The following CCDC102B variants were observed in gnomAD, a reference collection of about 807,000 sequenced individuals.
CCDC102B encodes the protein coiled-coil domain-containing protein 102B.
A neutral mutation model predicts 57.4 loss-of-function variants in CCDC102B; 75 were observed. That is an observed-to-expected ratio of 1.31 (90% confidence interval 1.08 to 1.58). The LOEUF (loss-of-function observed/expected upper bound fraction) is 1.58. CCDC102B is among the 40% of genes most tolerant of loss of function. CCDC102B has a pLI of 0.00. For missense variants in CCDC102B, 636 were observed against 582.6 expected (o/e 1.09, Z -0.94); for synonymous variants, 206 against 201.9 (o/e 1.02, Z -0.17).
intron 7 of CCDC102B, among the ~76,000 whole-genome samples, chr18:69,021,951 T>G (rs1252203586): frequency 6.6e-6 from 1 of 152,194 alleles, no homozygotes; most frequent in Non-Finnish European, 1.5e-5. Flanking sequence ...GTTCTTTACT[T>G]TACCAACCAT....
intron 2 of CCDC102B, among the ~76,000 whole-genome samples, chr18:68,771,901 C>CAT (rs1252854695): frequency 6.6e-6 from 1 of 151,600 alleles, no homozygotes; most frequent in African/African-American, 2.4e-5. Context: ...CACACACACA[C>CAT]ACACACATCT....
chr18:68,828,322 C>CAAAA (rs58180806), intron 1 of CCDC102B, among the ~76,000 whole-genome samples: 1,076 of 80,774 alleles, frequency 0.013, 73 homozygotes, highest in East Asian at 0.027. Flanking sequence ...ACCCTATTTA[C>CAAAA]AAAAAAAAAA....
chr18:68,816,128 C>T (rs1471136309), intron 1 of CCDC102B, among the ~76,000 whole-genome samples: 5 of 152,034 alleles, frequency 3.3e-5, no homozygotes, highest in African/African-American at 1.2e-4. Flanking sequence ...GTGATAATAC[C>T]CTCTACCTTC....
chr18:68,960,414 CT>C (rs1204379607), intron 6 of CCDC102B, among the ~76,000 whole-genome samples: 5 of 152,150 alleles, frequency 3.3e-5, no homozygotes, highest in African/African-American at 1.2e-4. Context: ...TTCCTCTCCC[CT>C]TTTCAGTCTT....
At chr18:69,050,742 T>C (rs2052683777) in intron 7 of CCDC102B, among the ~76,000 whole-genome samples, 1 of 152,150 alleles carries the variant, frequency 6.6e-6, no homozygotes. Context: ...TGAACCCTAA[T>C]TGATTTCAAA....
At chr18:68,855,156 A>T (rs944671515) in intron 4 of CCDC102B, among the ~76,000 whole-genome samples, 1 of 152,194 alleles carries the variant, frequency 6.6e-6, no homozygotes. Flanking sequence ...GCAGCATCAC[A>T]TGTTCAAGCC....
intron 2 of CCDC102B, among the ~76,000 whole-genome samples, chr18:68,741,284 CA>C (rs1271322250): frequency 6.6e-6 from 1 of 152,190 alleles, no homozygotes; most frequent in African/African-American, 2.4e-5. Flanking sequence ...AGGGCAAATA[CA>C]GGCAGGACAG....
chr18:68,840,197 T>C (rs1034710730), intron 3 of CCDC102B, among the ~76,000 whole-genome samples: 1 of 152,134 alleles, frequency 6.6e-6, no homozygotes, highest in Non-Finnish European at 1.5e-5. Flanking sequence ...GTTATAAAAA[T>C]CTTAATAGGC....
chr18:68,910,923 G>GAA (rs34251212), intron 6 of CCDC102B, among the ~76,000 whole-genome samples: 2,307 of 147,278 alleles, frequency 0.016, 27 homozygotes, highest in South Asian at 0.034. Flanking sequence ...TAAAAAGGGG[G>GAA]AAAAAAAAAA....
chr18:68,928,632 C>G (rs950554596), intron 6 of CCDC102B, among the ~76,000 whole-genome samples: 5 of 151,786 alleles, frequency 3.3e-5, no homozygotes, highest in Non-Finnish European at 7.4e-5. Flanking sequence ...AGAACCCATA[C>G]TGGAGTGGAA....
chr18:68,973,634 A>T (rs180855582), intron 6 of CCDC102B, among the ~76,000 whole-genome samples: 3 of 152,148 alleles, frequency 2.0e-5, no homozygotes, highest in Non-Finnish European at 4.4e-5. Context: ...GTTGTCAAAA[A>T]TGTACAATAT....
At chr18:69,048,402 G>T (rs1011150627) in intron 7 of CCDC102B, among the ~76,000 whole-genome samples, 8 of 152,018 alleles carry the variant, frequency 5.3e-5, no homozygotes, top group Non-Finnish European at 1.2e-4. Flanking sequence ...AGGCATGAAT[G>T]TTGAACATTC....
At chr18:68,886,465 A>G (rs2039888755) in intron 5 of CCDC102B, among the ~76,000 whole-genome samples, 1 of 152,120 alleles carries the variant, frequency 6.6e-6, no homozygotes, top group Non-Finnish European at 1.5e-5. Context: ...TCTTGAACCC[A>G]TTGTTGAACT....
chr18:68,914,851 T>A (rs1639694875), intron 6 of CCDC102B, among the ~76,000 whole-genome samples: 1 of 152,236 alleles, frequency 6.6e-6, no homozygotes, highest in Admixed American at 6.5e-5. Flanking sequence ...CTCATTTATA[T>A]CCATTAGCCA....
intron 2 of CCDC102B, among the ~76,000 whole-genome samples, chr18:68,761,068 C>G (rs148908101): frequency 4.6e-4 from 70 of 152,154 alleles, no homozygotes; most frequent in Middle Eastern, 3.4e-3. Context: ...GGAGGGAGTA[C>G]ACCCTTCTAT....
At chr18:68,925,598 A>G (rs771359648) in intron 6 of CCDC102B, among the ~76,000 whole-genome samples, 8 of 151,954 alleles carry the variant, frequency 5.3e-5, no homozygotes, top group Non-Finnish European at 1.2e-4. Context: ...CTTTATTCTT[A>G]TTTTAGGAGT....
intron 4 of CCDC102B, among the ~76,000 whole-genome samples, chr18:68,872,678 C>G (rs2039286099): frequency 6.6e-6 from 1 of 151,770 alleles, no homozygotes; most frequent in East Asian, 1.9e-4. Context: ...GTCCTTTCTC[C>G]TTCTCCATGT....
At chr18:69,022,213 AT>A (rs879301190) in intron 7 of CCDC102B, among the ~76,000 whole-genome samples, 3,999 of 49,072 alleles carry the variant, frequency 0.081, 122 homozygotes, top group East Asian at 0.27. Flanking sequence ...ATATATATAT[AT>A]ATATATATAA....
chr18:68,759,739 A>G (rs1011022488), intron 2 of CCDC102B, among the ~76,000 whole-genome samples: 1 of 152,068 alleles, frequency 6.6e-6, no homozygotes, highest in East Asian at 1.9e-4. Flanking sequence ...CCGAAAGAGA[A>G]AACAGGATAT....
Sources: gnomAD v4.1 joint callset for allele counts (sites outside exome capture counted in the v4.1 genomes callset) on GRCh38, gnomAD v4.1.1 for gene constraint, MANE v1.5 for transcripts, NCBI Gene and HGNC (gene_info 2026-07-23, HGNC 2026-07-21) for gene names.